The following CA5A variants were observed in gnomAD, a reference collection of about 807,000 sequenced individuals.
CA5A encodes the protein carbonic anhydrase 5A, mitochondrial.
In CA5A, 28 loss-of-function variants were observed where a neutral mutation model predicts 37.1. The observed-to-expected ratio is 0.75, with a 90% CI of 0.56 to 1.03. The LOEUF (loss-of-function observed/expected upper bound fraction) is 1.03. Among genes scored for constraint, CA5A ranks in the 50% least tolerant of loss-of-function variants. The pLI is 0.00. For missense variants in CA5A, 444 were observed against 399.9 expected (o/e 1.11, Z -0.94); for synonymous variants, 171 against 158.4 (o/e 1.08, Z -0.60).
chr16:87,918,294 G>A (rs2056182992), intron 2 of CA5A, among the ~76,000 whole-genome samples: 1 of 152,194 alleles, frequency 6.6e-6, no homozygotes, highest in Non-Finnish European at 1.5e-5. Context: ...GTCTGTGGGG[G>A]GCACTCAAGG....
intron 2 of CA5A, among the ~76,000 whole-genome samples, chr16:87,910,228 C>G (rs774948534): frequency 6.6e-6 from 1 of 152,194 alleles, no homozygotes; most frequent in African/African-American, 2.4e-5. Flanking sequence ...GAGCTCACGT[C>G]GTTGTCGTGA....
intron 2 of CA5A, among the ~76,000 whole-genome samples, chr16:87,912,953 A>G (rs1049249902): frequency 4.0e-5 from 6 of 151,838 alleles, no homozygotes; most frequent in Non-Finnish European, 7.4e-5. Context: ...GTGGTGGCTA[A>G]AGGAAGTGGG....
intron 5 of CA5A, among the ~76,000 whole-genome samples, chr16:87,898,091 C>T (rs1407949117): frequency 1.3e-5 from 2 of 152,172 alleles, no homozygotes; most frequent in African/African-American, 4.8e-5. Context: ...AGCTGGGTCC[C>T]CAGGGAGTGA....
In CA5A at chr16:87,899,919, C is replaced by CAAAAAAAAAAAA. The variant is rs565557401; in HGVS notation, c.618+1981_618+1992dup. Reference sequence around the variant, plus strand: ...TGGGCAACAGAGCGAGATTTTATCTCAAAAAAAAAAAAAAAAAAAAAAAAA... The same window carrying CAAAAAAAAAAAA: ...TGGGCAACAGAGCGAGATTTTATCTCAAAAAAAAAAAAAAAAAAAAAAAAAAAAAAAAAAAAA... On this transcript the variant is annotated intron_variant, in intron 5 of 6. Transcript: ENST00000649794. Among the ~76,000 whole-genome samples the CAAAAAAAAAAAA allele has an allele frequency of 2.1e-4, 10 of 46,530 alleles. 1 individual carries two copies. Among genetic ancestry groups the CAAAAAAAAAAAA allele is most frequent in the African/African-American group, 8.1e-4 (10 of 12,272 alleles). The allele number at this position is 46,530 out of a possible 152,430, so 30.5% of individuals were successfully genotyped here. A position where few individuals can be genotyped will look rare whatever the true frequency, so the allele number is the denominator to read the frequency against.
intron 5 of CA5A, among the ~76,000 whole-genome samples, chr16:87,897,942 G>T (rs760156433): frequency 1.3e-5 from 2 of 152,208 alleles, no homozygotes; most frequent in Non-Finnish European, 1.5e-5. Flanking sequence ...CTGGGCAGGT[G>T]CTCCTGACGG....
At chr16:87,898,097 A>G (rs756869330) in intron 5 of CA5A, among the ~76,000 whole-genome samples, 2 of 152,166 alleles carry the variant, frequency 1.3e-5, no homozygotes, top group Non-Finnish European at 2.9e-5. Context: ...GTCCCCAGGG[A>G]GTGACCGTGG....
Position 87,934,312 on chromosome 16 carries a change from C to T in CA5A, c.142+1997G>A, listed in dbSNP as rs1321925664. Reference sequence around the variant, plus strand: ...AGCTGGGCGTGGTGGCTCACGCCTGCAATCCCAGCACTTTGGGAGGCTGAG... The same window carrying T: ...AGCTGGGCGTGGTGGCTCACGCCTGTAATCCCAGCACTTTGGGAGGCTGAG... On this transcript the variant is annotated intron_variant, in intron 1 of 6. Transcript: ENST00000649794. Among the ~76,000 whole-genome samples the T allele has an allele frequency of 3.3e-5, 5 of 151,994 alleles. 1 individual carries two copies. Among genetic ancestry groups the T allele is most frequent in the African/African-American group, 1.2e-4 (5 of 41,382 alleles).
chr16:87,883,345 T>C (rs1293912067), downstream of CA5A: 3 of 146,148 alleles, frequency 2.1e-5, no homozygotes, highest in Non-Finnish European at 4.5e-5. Flanking sequence ...TTTTTTTCTT[T>C]TTGAGATGGA....
At chr16:87,888,509 G>A (rs1356968876) in intron 6 of CA5A, among the ~76,000 whole-genome samples, 1 of 152,128 alleles carries the variant, frequency 6.6e-6, no homozygotes. Context: ...ATATTGGGAG[G>A]GTACTCAAGC....
intron 5 of CA5A, among the ~76,000 whole-genome samples, chr16:87,892,510 A>AAATAAT (rs371000298): frequency 0.017 from 2,276 of 135,252 alleles, 25 homozygotes; most frequent in East Asian, 0.024. Flanking sequence ...ACTCTGTCTC[A>AAATAAT]AATAATAATA....
intron 2 of CA5A, chr16:87,924,025 TG>T: frequency 3.0e-6 from 3 of 985,448 alleles, no homozygotes; most frequent in Non-Finnish European, 3.6e-6. Context: ...CATTTGAACT[TG>T]GAACAGACCA....
intron 1 of CA5A, among the ~76,000 whole-genome samples, chr16:87,932,196 C>G (rs910770194): frequency 2.6e-5 from 4 of 152,134 alleles, no homozygotes; most frequent in African/African-American, 4.8e-5. Context: ...TCTACCCCCC[C>G]TCCCACGGCC....
chr16:87,930,751 TC>T (rs751942548), intron 1 of CA5A, among the ~76,000 whole-genome samples: 8,337 of 122,982 alleles, frequency 0.068, 322 homozygotes, highest in South Asian at 0.18. Context: ...TTTTTTTTTT[TC>T]TTTTTTGAGA....
intron 2 of CA5A, among the ~76,000 whole-genome samples, chr16:87,918,996 C>T (rs1369007372): frequency 3.3e-5 from 5 of 152,156 alleles, no homozygotes; most frequent in African/African-American, 1.2e-4. Context: ...CAGATTGGCC[C>T]GCGTGGACGG....
At chr16:87,904,134 G>A (rs745551760) in intron 3 of CA5A, among the ~76,000 whole-genome samples, 1 of 152,134 alleles carries the variant, frequency 6.6e-6, no homozygotes, top group African/African-American at 2.4e-5. Context: ...TTGAGGTCAG[G>A]AGTTCGAGAC....
At chr16:87,905,613 C>T (rs1487269861) in intron 2 of CA5A, among the ~76,000 whole-genome samples, 1 of 152,224 alleles carries the variant, frequency 6.6e-6, no homozygotes, top group Admixed American at 6.5e-5. Flanking sequence ...CCCGCCTCTG[C>T]CTCCCAAAGC....
chr16:87,895,709 C>G (rs186302261), intron 5 of CA5A, among the ~76,000 whole-genome samples: 1 of 152,246 alleles, frequency 6.6e-6, no homozygotes, highest in African/African-American at 2.4e-5. Context: ...TCCCCACCCC[C>G]GCCCTGCTGC....
downstream of CA5A, chr16:87,886,885 A>C (rs577311294): frequency 2.6e-5 from 4 of 152,120 alleles, no homozygotes; most frequent in African/African-American, 9.6e-5. Flanking sequence ...TATCTTAATT[A>C]ATATAGCTTT....
At chr16:87,935,809 G>C (rs2056462970) in intron 1 of CA5A, among the ~76,000 whole-genome samples, 1 of 152,072 alleles carries the variant, frequency 6.6e-6, no homozygotes, top group Admixed American at 6.6e-5. Flanking sequence ...CTGGAGGGCA[G>C]AGGTTGCAGT....
Sources: gnomAD v4.1 joint callset for allele counts (sites outside exome capture counted in the v4.1 genomes callset) on GRCh38, gnomAD v4.1.1 for gene constraint, MANE v1.5 for transcripts, NCBI Gene and HGNC (gene_info 2026-07-23, HGNC 2026-07-21) for gene names.